The following NPEPPS variants were observed in gnomAD, a reference collection of about 807,000 sequenced individuals.
NPEPPS encodes puromycin-sensitive aminopeptidase.
NPEPPS carries 14 observed loss-of-function variants against 115.5 expected under a neutral mutation model. The observed-to-expected ratio is 0.12, with a 90% CI of 0.08 to 0.19. NPEPPS has a LOEUF of 0.19. NPEPPS is among the 10% of genes least tolerant of loss of function. The pLI is 1.00. For synonymous variants in NPEPPS, 285 were observed against 390.6 expected, an observed-to-expected ratio of 0.73 and a Z score of 3.19; for missense variants, 523 against 1,110.8, an observed-to-expected ratio of 0.47 and a Z score of 7.52.
intron 17 of NPEPPS, among the ~76,000 whole-genome samples, chr17:47,607,119 G>C (rs559607688): frequency 2.6e-5 from 4 of 152,220 alleles, no homozygotes; most frequent in Admixed American, 6.5e-5. Flanking sequence ...TTGAACCCAG[G>C]GGGCAGAGGC....
intron 2 of NPEPPS, among the ~76,000 whole-genome samples, chr17:47,565,969 C>T (rs1448153414): frequency 1.3e-5 from 2 of 152,182 alleles, no homozygotes; most frequent in Non-Finnish European, 2.9e-5. Flanking sequence ...AGCATGACTT[C>T]TAGTTATTGT....
At chr17:47,531,712 TTGGGGCTGGGGC>T (rs1297359032) in intron 1 of NPEPPS, among the ~76,000 whole-genome samples, 157 bp downstream of exon 1, 6 of 147,724 alleles carry the variant, frequency 4.1e-5, no homozygotes, top group African/African-American at 7.6e-5. Context: ...CCTTGCTCTG[TTGGGGCTGGGGC>T]TGGGGCTGGG....
intron 14 of NPEPPS, among the ~76,000 whole-genome samples, chr17:47,600,521 CT>C (rs977648802): frequency 2.0e-5 from 3 of 152,194 alleles, no homozygotes; most frequent in Non-Finnish European, 4.4e-5. Flanking sequence ...TTTTCTGCCT[CT>C]TACCTATAAT....
chr17:47,608,721 G>A (rs759034520), intron 17 of NPEPPS, among the ~76,000 whole-genome samples: 2 of 152,196 alleles, frequency 1.3e-5, no homozygotes, highest in African/African-American at 4.8e-5. Flanking sequence ...CAGCAAAAGA[G>A]ATGGACTGGC....
At chr17:47,549,328 ACT>A (rs1176737449) in intron 2 of NPEPPS, among the ~76,000 whole-genome samples, 2 of 150,636 alleles carry the variant, frequency 1.3e-5, no homozygotes, top group African/African-American at 4.9e-5. Flanking sequence ...GGTGACAGAG[ACT>A]CTGTCTCAAA....
intron 17 of NPEPPS, among the ~76,000 whole-genome samples, chr17:47,612,148 G>T (rs1913910492): frequency 6.6e-6 from 1 of 152,110 alleles, no homozygotes. Flanking sequence ...CATGATGTAA[G>T]CCTGTCCTTT....
At chr17:47,619,697 C>T (rs1037649565) in intron 21 of NPEPPS, 40 bp from the exon 22 acceptor site, 1 of 1,556,120 alleles carries the variant, frequency 6.4e-7, no homozygotes, top group African/African-American at 1.4e-5. Context: ...TGTTCTCAGC[C>T]TCTTGGTTTC....
chr17:47,548,343 A>T (rs1909383961), intron 2 of NPEPPS: 1 of 152,178 alleles, frequency 6.6e-6, no homozygotes. Context: ...TGAAAGAGTG[A>T]TTATTTAATT....
chr17:47,610,400 G>C (rs144062632), intron 17 of NPEPPS, among the ~76,000 whole-genome samples: 332 of 151,276 alleles, frequency 2.2e-3, no homozygotes, highest in African/African-American at 6.0e-3. Context: ...TTTTTGGGGG[G>C]GGGTAACAGA....
At chr17:47,573,435 C>T (rs1240613830) in intron 3 of NPEPPS, among the ~76,000 whole-genome samples, 5 of 152,148 alleles carry the variant, frequency 3.3e-5, no homozygotes, top group South Asian at 2.1e-4. Context: ...CTTTGAATTT[C>T]GGAGTAAAAA....
intron 2 of NPEPPS, among the ~76,000 whole-genome samples, chr17:47,556,214 G>T (rs1323960121): frequency 4.0e-5 from 6 of 151,114 alleles, no homozygotes; most frequent in African/African-American, 1.5e-4. Flanking sequence ...CTAGGCAGAG[G>T]ACCCTGCGGC....
intron 22 of NPEPPS, among the ~76,000 whole-genome samples, chr17:47,620,398 G>A (rs1405859090): frequency 1.1e-4 from 17 of 152,086 alleles, no homozygotes; most frequent in Admixed American, 1.1e-3. Flanking sequence ...TGATAGAATA[G>A]CTTACAGTAG....
chr17:47,578,387 A>G (rs1469208276), intron 3 of NPEPPS, among the ~76,000 whole-genome samples: 2 of 152,070 alleles, frequency 1.3e-5, no homozygotes, highest in Non-Finnish European at 2.9e-5. Flanking sequence ...ATCTTGATAT[A>G]AGTAGGGCCT....
intron 2 of NPEPPS, among the ~76,000 whole-genome samples, chr17:47,568,203 G>T (rs1310526706): frequency 7.0e-6 from 1 of 143,324 alleles, no homozygotes; most frequent in Non-Finnish European, 1.5e-5. Flanking sequence ...TCGCTCTGTC[G>T]CCCAGGCTGG....
intron 1 of NPEPPS, among the ~76,000 whole-genome samples, chr17:47,538,821 C>T (rs1433963039): frequency 6.6e-6 from 1 of 152,200 alleles, no homozygotes; most frequent in African/African-American, 2.4e-5. Flanking sequence ...AGCCACCGCA[C>T]CCGGCCAGCC....
chr17:47,619,406 T>C lies in NPEPPS; in HGVS notation c.2559+242T>C. The C allele has an allele frequency of 5.8e-6, 3 of 520,116 alleles. No individual in the cohort carries two copies. In the South Asian group the frequency reaches 6.1e-5, roughly 11 times the overall value. 32.2% of individuals were successfully genotyped at this position (520,116 alleles called of 1,614,324 possible). On this transcript the variant is annotated intron_variant, in intron 21 of 22. Transcript: ENST00000322157. ...CTGTCCCTACTAAAAATACAAAAAT[T>C]AGCTGAGCGTGGTGGTGTGTGCCTG...
At chr17:47,578,011 G>A (rs1290231615) in intron 3 of NPEPPS, among the ~76,000 whole-genome samples, 1 of 152,034 alleles carries the variant, frequency 6.6e-6, no homozygotes, top group African/African-American at 2.4e-5. Flanking sequence ...TTTAAGACCA[G>A]CTGGCCAACA....
At chr17:47,617,213 T>C (rs1428166099) in intron 19 of NPEPPS, among the ~76,000 whole-genome samples, 2 of 152,212 alleles carry the variant, frequency 1.3e-5, no homozygotes, top group African/African-American at 4.8e-5. Flanking sequence ...ATTTTATTTT[T>C]TTCTTTATGC....
At chr17:47,525,648 T>C (rs1285125067) in intron 1 of NPEPPS, among the ~76,000 whole-genome samples, 1 of 152,156 alleles carries the variant, frequency 6.6e-6, no homozygotes, top group African/African-American at 2.4e-5. Context: ...TAGCCTAGTG[T>C]TTTGTTTTTA....
Sources: allele counts gnomAD v4.1 joint callset (sites outside exome capture counted in the v4.1 genomes callset), GRCh38; gene constraint gnomAD v4.1.1; transcripts MANE v1.5; gene names NCBI Gene and HGNC (gene_info 2026-07-23, HGNC 2026-07-21).